DOCK1: variants seen among roughly 807,000 people sequenced by gnomAD.
The protein encoded by DOCK1 is dedicator of cytokinesis 1.
A neutral mutation model predicts 262.7 loss-of-function variants in DOCK1; 138 were observed. That is an observed-to-expected ratio of 0.53 (90% confidence interval 0.46 to 0.61). The LOEUF is 0.61. Among genes scored for constraint, DOCK1 ranks in the 20% least tolerant of loss-of-function variants. DOCK1 has a pLI of 0.00. For synonymous variants in DOCK1, 866 were observed against 867.4 expected (o/e 1.00, Z 0.03); for missense variants, 1,908 against 2,370.7 (o/e 0.80, Z 4.05).
chr10:127,300,263 C>G (rs927741234), intron 29 of DOCK1, among the ~76,000 whole-genome samples: 3 of 152,242 alleles, frequency 2.0e-5, no homozygotes, highest in Non-Finnish European at 4.4e-5. Flanking sequence ...GATTAGAAGG[C>G]TTCTTTCGCG....
intron 27 of DOCK1, among the ~76,000 whole-genome samples, chr10:127,229,685 T>A (rs562768720): frequency 1.3e-5 from 2 of 152,340 alleles, no homozygotes; most frequent in South Asian, 4.1e-4. Flanking sequence ...AACGCTACAG[T>A]GTACATGGGA....
chr10:127,107,664 G>C (rs1433943685), intron 24 of DOCK1, among the ~76,000 whole-genome samples: 1 of 152,168 alleles, frequency 6.6e-6, no homozygotes, highest in African/African-American at 2.4e-5. Flanking sequence ...CCAAACTTTG[G>C]CTTCCTCCCC....
At chr10:126,934,967 A>C (rs974603902) in intron 1 of DOCK1, among the ~76,000 whole-genome samples, 26 of 152,024 alleles carry the variant, frequency 1.7e-4, no homozygotes, top group Non-Finnish European at 2.9e-4. Context: ...AAAATTAGCC[A>C]GGCATGGTGG....
chr10:127,155,372 C>T (rs1296204129), intron 27 of DOCK1, among the ~76,000 whole-genome samples: 1 of 152,136 alleles, frequency 6.6e-6, no homozygotes, highest in Non-Finnish European at 1.5e-5. Flanking sequence ...ATCAAGTGAC[C>T]ATATTCTGCT....
chr10:127,124,004 G>A (rs955437917), intron 25 of DOCK1, among the ~76,000 whole-genome samples: 2 of 152,152 alleles, frequency 1.3e-5, no homozygotes, highest in South Asian at 2.1e-4. Context: ...CTTTCTTGGC[G>A]AATCAACAAA....
intron 15 of DOCK1, 47 bp from the exon 16 acceptor site, chr10:127,026,304 TG>T: frequency 2.0e-6 from 3 of 1,507,716 alleles, no homozygotes; most frequent in Non-Finnish European, 2.7e-6. Context: ...GCTGTTACGC[TG>T]GATGATATTG....
intron 29 of DOCK1, among the ~76,000 whole-genome samples, chr10:127,314,373 G>A (rs771901764): frequency 6.6e-6 from 1 of 152,238 alleles, no homozygotes; most frequent in Non-Finnish European, 1.5e-5. Context: ...AGTGGCTCCA[G>A]CAGTGGGTTC....
chr10:127,068,994 T>C (rs2046045155), intron 23 of DOCK1, among the ~76,000 whole-genome samples: 1 of 152,274 alleles, frequency 6.6e-6, no homozygotes, highest in South Asian at 2.1e-4. Flanking sequence ...AGTGCTTGGC[T>C]GACCTCTCTG....
At chr10:127,079,229 G>C (rs559820551) in intron 23 of DOCK1, among the ~76,000 whole-genome samples, 1 of 152,088 alleles carries the variant, frequency 6.6e-6, no homozygotes, top group Non-Finnish European at 1.5e-5. Flanking sequence ...CCATACTCCC[G>C]TCTGGAATCT....
At chr10:127,376,972 C>G (rs538638727) in intron 35 of DOCK1, among the ~76,000 whole-genome samples, 1 of 152,322 alleles carries the variant, frequency 6.6e-6, no homozygotes, top group East Asian at 1.9e-4. Context: ...CAGAGCCAGA[C>G]TCAGTGCCCA....
At chr10:127,243,861 C>T (rs1590092257) in intron 27 of DOCK1, among the ~76,000 whole-genome samples, 1 of 152,284 alleles carries the variant, frequency 6.6e-6, no homozygotes, top group East Asian at 1.9e-4. Flanking sequence ...CATACTTTCT[C>T]TTTATAAAAA....
At chr10:126,943,120 G>T (rs2134270073) in intron 1 of DOCK1, among the ~76,000 whole-genome samples, 1 of 150,996 alleles carries the variant, frequency 6.6e-6, no homozygotes, top group Admixed American at 6.6e-5. Flanking sequence ...CAGATATGTT[G>T]GTGTGTGCCT....
chr10:127,372,394 G>A (rs575279161), intron 33 of DOCK1, among the ~76,000 whole-genome samples: 5 of 152,316 alleles, frequency 3.3e-5, no homozygotes, highest in African/African-American at 9.6e-5. Context: ...CAGTTTTCAC[G>A]ACTGGGCTTG....
chr10:126,992,625 G>A (rs1366543216), intron 6 of DOCK1, among the ~76,000 whole-genome samples: 2 of 152,058 alleles, frequency 1.3e-5, no homozygotes, highest in Admixed American at 6.6e-5. Flanking sequence ...TTTAACCTGG[G>A]TGGAGGGGTT....
chr10:127,088,632 G>T (rs1475924108), intron 23 of DOCK1, among the ~76,000 whole-genome samples: 1 of 152,132 alleles, frequency 6.6e-6, no homozygotes, highest in Non-Finnish European at 1.5e-5. Flanking sequence ...TTATTTTAAT[G>T]TTGCCCCTCA....
At chr10:127,048,377 G>A (rs2044483741) in intron 21 of DOCK1, among the ~76,000 whole-genome samples, 1 of 151,908 alleles carries the variant, frequency 6.6e-6, no homozygotes. Context: ...GTATGTGTGT[G>A]TATGTGTTTG....
At chr10:127,018,900 G>A (rs576552997) in intron 13 of DOCK1, 65 bp downstream of exon 13, 110 of 1,595,632 alleles carry the variant, frequency 6.9e-5, no homozygotes, top group East Asian at 5.2e-4. Context: ...GGAGGATGAC[G>A]TGTGGGCAGC....
chr10:127,069,577 G>A (rs2046086728), intron 23 of DOCK1, among the ~76,000 whole-genome samples: 1 of 152,212 alleles, frequency 6.6e-6, no homozygotes, highest in Non-Finnish European at 1.5e-5. Context: ...TCATGGGCAT[G>A]AGTCAGGAAT....
intron 27 of DOCK1, among the ~76,000 whole-genome samples, chr10:127,181,676 G>T (rs948313906): frequency 3.3e-5 from 5 of 152,170 alleles, no homozygotes; most frequent in Non-Finnish European, 5.9e-5. Flanking sequence ...TGCCAAGGGG[G>T]TGCCTGAACA....
Sources: gnomAD v4.1 joint callset for allele counts (sites outside exome capture counted in the v4.1 genomes callset) on GRCh38, gnomAD v4.1.1 for gene constraint, MANE v1.5 for transcripts, NCBI Gene and HGNC (gene_info 2026-07-23, HGNC 2026-07-21) for gene names.